RNF150: variants seen among roughly 807,000 people sequenced by gnomAD.
RNF150 encodes the protein ring finger protein 150.
In RNF150, 24 loss-of-function variants were observed where a neutral mutation model predicts 39.3. The ratio of observed to expected loss-of-function variants is 0.61; its 90% confidence interval spans 0.44 to 0.86. RNF150 has a LOEUF of 0.86. Ranked by LOEUF, RNF150 falls within the 40% of genes least tolerant of loss-of-function variation. The pLI, the probability that RNF150 is intolerant of heterozygous loss-of-function variation, is 0.00. For synonymous variants in RNF150, 255 were observed against 227.3 expected, an observed-to-expected ratio of 1.12 and a Z score of -1.10; for missense variants, 502 against 587.8, an observed-to-expected ratio of 0.85 and a Z score of 1.51.
chr4:140,913,028 C>T (rs940667693), intron 5 of RNF150, among the ~76,000 whole-genome samples: 1 of 151,012 alleles, frequency 6.6e-6, no homozygotes, highest in African/African-American at 2.4e-5. Context: ...AATCCCAGCA[C>T]TTTGGGAGGC....
At chr4:140,980,826 G>C (rs1579024283) in intron 1 of RNF150, among the ~76,000 whole-genome samples, 1 of 152,110 alleles carries the variant, frequency 6.6e-6, no homozygotes, top group East Asian at 1.9e-4. Flanking sequence ...GTCTCAGGCA[G>C]TTCGTTATAG....
At chr4:140,918,559 A>G (rs1730952065) in intron 5 of RNF150, among the ~76,000 whole-genome samples, 1 of 151,994 alleles carries the variant, frequency 6.6e-6, no homozygotes, top group South Asian at 2.1e-4. Flanking sequence ...TACCAACCAA[A>G]AAGAGTCCAG....
chr4:140,991,012 T>C (rs1734178892), intron 1 of RNF150, among the ~76,000 whole-genome samples: 1 of 152,196 alleles, frequency 6.6e-6, no homozygotes, highest in Non-Finnish European at 1.5e-5. Context: ...TTCTTGACTG[T>C]TTAATAATAA....
At chr4:140,968,176 C>T (rs1311511690) in intron 1 of RNF150, among the ~76,000 whole-genome samples, 2 of 151,986 alleles carry the variant, frequency 1.3e-5, no homozygotes, top group African/African-American at 2.4e-5. Context: ...GCATTGACTC[C>T]AGGTCTGGTA....
chr4:141,110,577 T>G (rs112328968), intron 1 of RNF150, among the ~76,000 whole-genome samples: 1 of 136,960 alleles, frequency 7.3e-6, no homozygotes, highest in Non-Finnish European at 1.5e-5. Context: ...CCACACCTAA[T>G]TTTTAATTTT....
chr4:141,127,579 AG>A (rs1252332008), intron 1 of RNF150, among the ~76,000 whole-genome samples: 2 of 152,198 alleles, frequency 1.3e-5, no homozygotes, highest in Non-Finnish European at 2.9e-5. Context: ...ATGGAGGAAG[AG>A]CCTCAGTAGA....
Position 140,980,342 on chromosome 4 carries a change from C to T in RNF150, c.485-12469G>A, listed in dbSNP as rs528999698. Among the ~76,000 whole-genome samples the T allele has an allele frequency of 1.6e-4, 24 of 152,136 alleles. No individual in the cohort carries two copies. The South Asian group carries it at 5.0e-3, about 32-fold the overall frequency. On this transcript the variant is annotated intron_variant, in intron 1 of 6. Transcript: ENST00000515673. ...ATAGGCATAAGCCACCATGCCCGAT[C>T]CCCTTTAGGCTATTTTTAACAATAC...
intron 1 of RNF150, among the ~76,000 whole-genome samples, chr4:141,163,883 C>G (rs186096527): frequency 2.0e-5 from 3 of 152,166 alleles, no homozygotes; most frequent in African/African-American, 7.2e-5. Context: ...ATTCCAAAAA[C>G]CAGAATGCTT....
At chr4:140,939,642 GTGTGTGTGTGTGTGTGTGTT>G (rs1174046921) in intron 4 of RNF150, among the ~76,000 whole-genome samples, 2 of 146,022 alleles carry the variant, frequency 1.4e-5, no homozygotes, top group Admixed American at 6.7e-5. Context: ...GTGTGTGTGT[GTGTGTGTGTGTGTGTGTGTT>G]TGAGTGATGA....
chr4:141,042,395 A>C (rs948321814), intron 1 of RNF150, among the ~76,000 whole-genome samples: 4 of 152,110 alleles, frequency 2.6e-5, no homozygotes, highest in Non-Finnish European at 4.4e-5. Context: ...TAATGGAATA[A>C]ACTATTCTGA....
intron 1 of RNF150, among the ~76,000 whole-genome samples, chr4:141,176,161 G>A (rs1445203150): frequency 6.6e-6 from 1 of 151,664 alleles, no homozygotes; most frequent in African/African-American, 2.4e-5. Context: ...GTCTCCCAAA[G>A]TGCTGGGATT....
chr4:140,862,236 T>A lies in RNF150; in HGVS notation c.*6025A>T, dbSNP rs1205244131. 6.6e-6 allele frequency: 1 copy of A among 152,194 alleles called. No homozygotes were observed. The highest frequency in any genetic ancestry group is 1.5e-5 in the Non-Finnish European group (1 of 68,048). The allele number at this position is 152,194 out of a possible 1,614,324, so 9.4% of individuals were successfully genotyped here. On this transcript the variant is annotated 3_prime_UTR_variant, in exon 7 of 7. Transcript: ENST00000515673. Reference sequence around the variant, plus strand: ...TCACTGTGTTCAGACATTGCAGACCTCTTAATAGACGTGTATATTTTTGTC... The same window carrying A: ...TCACTGTGTTCAGACATTGCAGACCACTTAATAGACGTGTATATTTTTGTC...
At chr4:140,968,204 A>G (rs1176113139) in intron 1 of RNF150, among the ~76,000 whole-genome samples, 1 of 152,052 alleles carries the variant, frequency 6.6e-6, no homozygotes, top group Non-Finnish European at 1.5e-5. Context: ...ACCCTTCCCA[A>G]CCAGCCCAGT....
At chr4:140,937,598 G>T (rs1731908984) in intron 4 of RNF150, among the ~76,000 whole-genome samples, 1 of 151,906 alleles carries the variant, frequency 6.6e-6, no homozygotes, top group South Asian at 2.1e-4. Flanking sequence ...TTTAAAAAAT[G>T]TTTTTTATTG....
chr4:140,889,591 AAG>A (rs2111223937), intron 6 of RNF150, among the ~76,000 whole-genome samples: 1 of 152,248 alleles, frequency 6.6e-6, no homozygotes, highest in African/African-American at 2.4e-5. Context: ...GGTGGGCGGA[AAG>A]AGAGATTTTT....
intron 1 of RNF150, among the ~76,000 whole-genome samples, chr4:141,099,788 T>C (rs1429300339): frequency 6.6e-6 from 1 of 151,582 alleles, no homozygotes; most frequent in Non-Finnish European, 1.5e-5. Flanking sequence ...CCAAGTTATA[T>C]ATATAAAAAA....
chr4:141,133,654 A>T (rs1726970321), upstream of RNF150, among the ~76,000 whole-genome samples: 3 of 152,084 alleles, frequency 2.0e-5, no homozygotes, highest in South Asian at 6.2e-4. Flanking sequence ...GTAAAGAGGA[A>T]GCGACCCCTC....
intron 1 of RNF150, among the ~76,000 whole-genome samples, chr4:141,070,082 C>G (rs1359608104): frequency 3.9e-5 from 6 of 152,026 alleles, no homozygotes; most frequent in Non-Finnish European, 8.8e-5. Flanking sequence ...TGCCACATAC[C>G]TACAACTATC....
At chr4:141,168,258 C>A (rs140020066) in intron 1 of RNF150, among the ~76,000 whole-genome samples, 2 of 152,196 alleles carry the variant, frequency 1.3e-5, no homozygotes, top group Non-Finnish European at 2.9e-5. Flanking sequence ...CCATCTCACA[C>A]GAGTTAGAAT....
Sources: allele counts gnomAD v4.1 joint callset (sites outside exome capture counted in the v4.1 genomes callset), GRCh38; gene constraint gnomAD v4.1.1; transcripts MANE v1.5; gene names NCBI Gene and HGNC (gene_info 2026-07-23, HGNC 2026-07-21).